SLC27A6: variants seen among roughly 807,000 people sequenced by gnomAD.
SLC27A6 encodes long-chain fatty acid transport protein 6.
A neutral mutation model predicts 63.9 loss-of-function variants in SLC27A6; 74 were observed. That is an observed-to-expected ratio of 1.16 (90% CI 0.96 to 1.40). The LOEUF is 1.40. Among genes scored for constraint, SLC27A6 ranks in the 40% most tolerant of loss-of-function variants. The pLI is 0.00. For synonymous variants in SLC27A6, 287 were observed against 260.8 expected (o/e 1.10, Z -0.97); for missense variants, 794 against 732.9 (o/e 1.08, Z -0.96).
rs200973044 is a variant in SLC27A6 at position 129,029,574 on chromosome 5, C to T, written c.1553-3C>T. 4.5e-6 allele frequency: 7 copies of T among 1,551,146 alleles called. No homozygotes were observed. Among genetic ancestry groups the T allele is most frequent in the Non-Finnish European group, 6.1e-6 (7 of 1,152,272 alleles). ...AATGACTCTATTTCAAACTTTTTTT[C>T]AGGTTATGAAGGAAGAGCAGGAATG... On this transcript the variant is annotated splice_polypyrimidine_tract_variant and splice_region_variant and intron_variant, in intron 8 of 9. Coordinates refer to ENST00000262462, the MANE Select transcript of SLC27A6 (RefSeq NM_001017372.3).
intron 5 of SLC27A6, among the ~76,000 whole-genome samples, chr5:129,021,661 T>C (rs1367109152): frequency 6.6e-6 from 1 of 152,226 alleles, no homozygotes. Flanking sequence ...CATCTATTTT[T>C]TAAATTTGTA....
intron 1 of SLC27A6, among the ~76,000 whole-genome samples, chr5:128,972,054 T>C (rs112480707): frequency 0.24 from 36,535 of 151,938 alleles, 4,939 homozygotes; most frequent in Middle Eastern, 0.33. Flanking sequence ...AATTCTGGGT[T>C]GAAAATTGTT....
At chr5:128,969,330 A>G (rs1750043587) in intron 1 of SLC27A6, among the ~76,000 whole-genome samples, 1 of 140,326 alleles carries the variant, frequency 7.1e-6, no homozygotes, top group Non-Finnish European at 1.6e-5. Context: ...TGGGGATGGC[A>G]TTGAATCTAT....
At chr5:129,031,058 G>A (rs994986532) in intron 9 of SLC27A6, among the ~76,000 whole-genome samples, 10 of 151,768 alleles carry the variant, frequency 6.6e-5, no homozygotes, top group African/African-American at 2.4e-4. Flanking sequence ...TTTTTCCAAG[G>A]CAACATAAAA....
At chr5:129,007,330 G>A (rs1164585811) in intron 4 of SLC27A6, among the ~76,000 whole-genome samples, 1 of 151,340 alleles carries the variant, frequency 6.6e-6, no homozygotes, top group Non-Finnish European at 1.5e-5. Flanking sequence ...TGTAATCTCA[G>A]CTACTTGGGA....
intron 1 of SLC27A6, among the ~76,000 whole-genome samples, chr5:128,972,163 TA>T (rs1269324708): frequency 2.0e-5 from 3 of 152,204 alleles, no homozygotes; most frequent in African/African-American, 7.2e-5. Flanking sequence ...CCTTTGTGGG[TA>T]ACCCGACCTT....
intron 4 of SLC27A6, among the ~76,000 whole-genome samples, chr5:128,994,467 C>T (rs116151864): frequency 5.4e-4 from 82 of 152,212 alleles, no homozygotes; most frequent in African/African-American, 1.8e-3. Flanking sequence ...TCAAGGAGAT[C>T]TTACATTTTT....
rs1223185793 is a variant in SLC27A6 at position 129,014,315 on chromosome 5, G to A, written c.970-1570G>A. ...TCTGAAGAACAAAAGGAAAGGCTGG[G>A]GTTTTATTGGGAAAATGAACAAAGT... On this transcript the variant is annotated intron_variant, in intron 4 of 9. Transcript: ENST00000262462. 2.6e-5 allele frequency among the ~76,000 whole-genome samples: 4 copies of A among 152,134 alleles called. No homozygotes were observed. The East Asian group carries it at 5.8e-4, about 22-fold the overall frequency.
intron 5 of SLC27A6, among the ~76,000 whole-genome samples, chr5:129,023,092 G>C (rs1252761680): frequency 6.6e-6 from 1 of 152,022 alleles, no homozygotes; most frequent in Non-Finnish European, 1.5e-5. Context: ...AGGCTCAGGG[G>C]AAAGGCTTAG....
At chr5:129,000,866 T>A (rs567107822) in intron 4 of SLC27A6, among the ~76,000 whole-genome samples, 16 of 151,624 alleles carry the variant, frequency 1.1e-4, no homozygotes, top group Non-Finnish European at 2.4e-4. Context: ...GTCTGAGGCA[T>A]TTGCTTTCCC....
At chr5:129,004,686 G>A (rs1273261784) in intron 4 of SLC27A6, among the ~76,000 whole-genome samples, 1 of 152,210 alleles carries the variant, frequency 6.6e-6, no homozygotes, top group Non-Finnish European at 1.5e-5. Context: ...GGGATTTATG[G>A]ATTGAGAAGT....
intron 7 of SLC27A6, 128 bp downstream of exon 7, chr5:129,027,459 T>C: frequency 1.5e-6 from 1 of 671,858 alleles, no homozygotes; most frequent in Admixed American, 2.6e-5. Flanking sequence ...TGTCTCCTCA[T>C]TAAAACATTT....
chr5:129,001,512 T>C (rs1409741498), intron 4 of SLC27A6, among the ~76,000 whole-genome samples: 2 of 152,210 alleles, frequency 1.3e-5, no homozygotes, highest in African/African-American at 2.4e-5. Context: ...GAGCAGGTTT[T>C]AGGAAAAAGA....
At chr5:129,020,215 A>G (rs947299502) in intron 5 of SLC27A6, among the ~76,000 whole-genome samples, 3 of 152,192 alleles carry the variant, frequency 2.0e-5, no homozygotes, top group Non-Finnish European at 4.4e-5. Context: ...TATCAAGTCA[A>G]CAAAGAGGTT....
At chr5:129,017,978 C>T (rs1228305895) in intron 5 of SLC27A6, among the ~76,000 whole-genome samples, 1 of 152,092 alleles carries the variant, frequency 6.6e-6, no homozygotes, top group East Asian at 1.9e-4. Context: ...TGACTCCAAA[C>T]CTGACGTAAT....
intron 4 of SLC27A6, among the ~76,000 whole-genome samples, chr5:129,009,957 A>C (rs980916425): frequency 1.3e-5 from 2 of 152,196 alleles, no homozygotes; most frequent in African/African-American, 4.8e-5. Context: ...GATTACAGGC[A>C]TGAGCCACTG....
intron 1 of SLC27A6, among the ~76,000 whole-genome samples, chr5:128,980,047 G>A (rs111284940): frequency 1.3e-4 from 20 of 152,212 alleles, no homozygotes; most frequent in African/African-American, 4.3e-4. Context: ...AGAATCACTA[G>A]AAGCACTTCT....
chr5:128,976,279 C>G (rs1239678673), intron 1 of SLC27A6, among the ~76,000 whole-genome samples: 1 of 152,156 alleles, frequency 6.6e-6, no homozygotes, highest in Non-Finnish European at 1.5e-5. Context: ...GAGGCCAAGG[C>G]AGGTGGATCA....
chr5:128,967,125 C>G (rs570133099), intron 1 of SLC27A6, among the ~76,000 whole-genome samples: 1 of 152,192 alleles, frequency 6.6e-6, no homozygotes. Context: ...AGGTTGCGCT[C>G]CCACCTGTGA....
Sources: gnomAD v4.1 joint callset for allele counts (sites outside exome capture counted in the v4.1 genomes callset) on GRCh38, gnomAD v4.1.1 for gene constraint, MANE v1.5 for transcripts, NCBI Gene and HGNC (gene_info 2026-07-23, HGNC 2026-07-21) for gene names.